Variants in IGF1R observed in about 807,000 individuals in gnomAD.
The protein encoded by IGF1R is insulin like growth factor 1 receptor.
IGF1R carries 44 observed loss-of-function variants against 144.6 expected under a neutral mutation model. The ratio of observed to expected loss-of-function variants is 0.30; its 90% CI spans 0.24 to 0.39. IGF1R has a LOEUF of 0.39. IGF1R is among the 10% of genes least tolerant of loss of function. The probability of loss-of-function intolerance (pLI) is 1.00; values close to 1 mark genes in which losing one functional copy is unlikely to be tolerated. For missense variants in IGF1R, 1,355 were observed against 1,833.7 expected (o/e 0.74, Z 4.77); for synonymous variants, 795 against 722.8 (o/e 1.10, Z -1.60).
At chr15:98,839,275 G>T (rs1001613856) in intron 2 of IGF1R, among the ~76,000 whole-genome samples, 1 of 152,240 alleles carries the variant, frequency 6.6e-6, no homozygotes, top group African/African-American at 2.4e-5. Flanking sequence ...CCAAGGAAGT[G>T]CAGCTAGTAA....
chr15:98,899,574 C>G lies in IGF1R; in HGVS notation c.1200C>G (p.Ser400=). ...ATTCTCATGCCTTGGTCTCCTTGTC[C>G]TTCCTAAAAAACCTTCGCCTCATCC... The part of the protein sequence containing the change: ...IRHSHALVSL[S]FLKNLRLILG... The change falls in exon 5 of 21, where the codon TCC becomes TCG. Residue 400 remains serine (S), a synonymous_variant. Transcript: ENST00000650285. 6.2e-7 allele frequency: 1 copy of G among 1,614,118 alleles called. No homozygotes were observed. The highest frequency in any genetic ancestry group is 1.7e-5 in the Admixed American group (1 of 60,032).
chr15:98,869,878 G>T (rs570182918), intron 2 of IGF1R, among the ~76,000 whole-genome samples: 1 of 152,196 alleles, frequency 6.6e-6, no homozygotes, highest in African/African-American at 2.4e-5. Flanking sequence ...ATTAACACCT[G>T]TCTCTATCTG....
In IGF1R at chr15:98,959,993, GGTGT is replaced by G. The variant is rs1006697509; in HGVS notation, c.*2561_*2564del. 7.4e-5 allele frequency: 17 copies of G among 230,566 alleles called. No individual in the cohort carries two copies. The highest frequency in any genetic ancestry group is 1.3e-4 in the Non-Finnish European group (15 of 116,534). 14.3% of individuals were successfully genotyped at this position (230,566 alleles called of 1,614,324 possible). ...AGGGTGTGTGTGTGTGTATGTGTGG[GGTGT>G]GTGTGTGTGAGAGTGATGGGACAGT... is the stretch of plus-strand genomic sequence containing the variant. On this transcript the variant is annotated 3_prime_UTR_variant, in exon 21 of 21. Transcript: ENST00000650285.
chr15:98,665,065 C>A (rs866562470), intron 1 of IGF1R, among the ~76,000 whole-genome samples: 7 of 151,326 alleles, frequency 4.6e-5, no homozygotes, highest in Middle Eastern at 6.8e-3. Flanking sequence ...TCACGCCATT[C>A]TCCTGCCTCA....
intron 2 of IGF1R, among the ~76,000 whole-genome samples, chr15:98,743,334 A>T (rs2054790846): frequency 6.6e-6 from 1 of 152,160 alleles, no homozygotes. Context: ...TGTCATTTGG[A>T]GTAGGGCTGG....
chr15:98,921,450 T>C (rs758046506), intron 10 of IGF1R, among the ~76,000 whole-genome samples: 2 of 152,138 alleles, frequency 1.3e-5, no homozygotes, highest in African/African-American at 4.8e-5. Context: ...AGGACTCTGC[T>C]CTCTGATGGG....
At chr15:98,712,131 G>C (rs1366544423) in intron 2 of IGF1R, among the ~76,000 whole-genome samples, 3 of 152,048 alleles carry the variant, frequency 2.0e-5, no homozygotes, top group Non-Finnish European at 4.4e-5. Context: ...TCTGTCCTGG[G>C]CTCTCTTTTC....
chr15:98,952,330 A>T (rs952822484), intron 20 of IGF1R, among the ~76,000 whole-genome samples: 1 of 151,200 alleles, frequency 6.6e-6, no homozygotes, highest in African/African-American at 2.4e-5. Context: ...ACACACACAC[A>T]CTGCCCCTCA....
intron 2 of IGF1R, among the ~76,000 whole-genome samples, chr15:98,807,146 T>C (rs2056489645): frequency 6.6e-6 from 1 of 152,260 alleles, no homozygotes; most frequent in Admixed American, 6.5e-5. Context: ...AAATGCTTTC[T>C]TGATTGTAGC....
At chr15:98,904,710 G>A (rs1179362694) in intron 5 of IGF1R, among the ~76,000 whole-genome samples, 2 of 152,212 alleles carry the variant, frequency 1.3e-5, no homozygotes, top group South Asian at 2.1e-4. Flanking sequence ...CTCGAAGGAA[G>A]GAACTGGAAT....
Position 98,942,913 on chromosome 15 carries a change from T to C in IGF1R, c.3458-10T>C. ...CAGCGTGTGACTCTGCGCCCTCTCT[T>C]CCCTTACAGATTTTGGTATGACGCG... On this transcript the variant is annotated splice_polypyrimidine_tract_variant and intron_variant, in intron 18 of 20. Transcript: ENST00000650285. 1 of 1,614,084 alleles carries C rather than the reference T, an allele frequency of 6.2e-7. No individual in the cohort carries two copies. The highest frequency in any genetic ancestry group is 8.5e-7 in the Non-Finnish European group (1 of 1,179,964).
chr15:98,783,594 C>T (rs949744656), intron 2 of IGF1R, among the ~76,000 whole-genome samples: 1 of 152,148 alleles, frequency 6.6e-6, no homozygotes, highest in Non-Finnish European at 1.5e-5. Flanking sequence ...ACTTCATTAG[C>T]ATTTTGTAGT....
intron 13 of IGF1R, among the ~76,000 whole-genome samples, chr15:98,927,874 G>T (rs920758463): frequency 6.6e-6 from 1 of 152,114 alleles, no homozygotes; most frequent in African/African-American, 2.4e-5. Flanking sequence ...GTGATTCCAG[G>T]CCCATTTCCA....
chr15:98,731,442 TCTC>T (rs1457374052), intron 2 of IGF1R, among the ~76,000 whole-genome samples: 1 of 152,234 alleles, frequency 6.6e-6, no homozygotes, highest in African/African-American at 2.4e-5. Flanking sequence ...TTTGGTTCAT[TCTC>T]CTCCTTGTTT....
At chr15:98,699,492 G>A (rs192442165) in intron 1 of IGF1R, among the ~76,000 whole-genome samples, 22 of 152,302 alleles carry the variant, frequency 1.4e-4, no homozygotes, top group Middle Eastern at 3.4e-3. Context: ...AAGGCATTTG[G>A]AGTAACTGTC....
chr15:98,888,438 A>AGAGAGAGAGAGTGTGT (rs1555457179), intron 2 of IGF1R, among the ~76,000 whole-genome samples: 5 of 143,354 alleles, frequency 3.5e-5, no homozygotes, highest in Admixed American at 7.0e-5. Flanking sequence ...AGAGAGAGAG[A>AGAGAGAGAGAGTGTGT]GTGTGTGTGT....
chr15:98,649,586 A>C lies in IGF1R; in HGVS notation c.5A>C (p.Lys2Thr). Residue 2 changes from lysine (K) to threonine (T), a missense_variant, in exon 1 of 21, where the codon AAG (lysine) becomes ACG (threonine). Lys to Thr is a moderately conservative substitution (Grantham distance 78). Coordinates refer to ENST00000650285, the MANE Select transcript of IGF1R (RefSeq NM_000875.5). M[K>T]SGSGGGSPTS... is the part of the protein sequence containing the mutation. ...ATTTCATCCCAAATAAAAGGAATGA[A>C]GTCTGGCTCCGGAGGAGGGTCCCCG... is the stretch of plus-strand genomic sequence containing the variant. 1.3e-6 allele frequency: 2 copies of C among 1,563,358 alleles called. No homozygotes were observed. Among genetic ancestry groups the C allele is most frequent in the Non-Finnish European group, 1.8e-6 (2 of 1,141,834 alleles).
intron 8 of IGF1R, among the ~76,000 whole-genome samples, chr15:98,914,521 T>C (rs2015157142): frequency 6.6e-6 from 1 of 152,204 alleles, no homozygotes; most frequent in African/African-American, 2.4e-5. Context: ...AAAGTGCTTA[T>C]TGAAACAAAA....
chr15:98,839,022 C>CT (rs997720224), intron 2 of IGF1R, among the ~76,000 whole-genome samples: 1 of 152,222 alleles, frequency 6.6e-6, no homozygotes, highest in African/African-American at 2.4e-5. Context: ...GAAGAGGCCA[C>CT]TGGGTTTCAC....
Sources: gnomAD v4.1 joint callset for allele counts (sites outside exome capture counted in the v4.1 genomes callset) on GRCh38, gnomAD v4.1.1 for gene constraint, MANE v1.5 for transcripts, NCBI Gene and HGNC (gene_info 2026-07-23, HGNC 2026-07-21) for gene names.